ARHGAP42: variants seen among roughly 807,000 people sequenced by gnomAD.
ARHGAP42 encodes the protein Rho GTPase activating protein 42.
In ARHGAP42, 63 loss-of-function variants were observed where a neutral mutation model predicts 125.0. The observed-to-expected ratio is 0.50, with a 90% CI of 0.41 to 0.62. The LOEUF is 0.62. Among genes scored for constraint, ARHGAP42 ranks in the 20% least tolerant of loss-of-function variants. The pLI is 0.00. For missense variants in ARHGAP42, 766 were observed against 1,024.2 expected (o/e 0.75, Z 3.44); for synonymous variants, 339 against 351.0 (o/e 0.97, Z 0.38).
At chr11:100,752,932 G>A (rs140901992) in intron 1 of ARHGAP42, among the ~76,000 whole-genome samples, 139 of 152,310 alleles carry the variant, frequency 9.1e-4, no homozygotes, top group Non-Finnish European at 1.6e-3. Context: ...GGTGATGCTC[G>A]CAAGAGAATG....
rs147889881 is a variant in ARHGAP42 at position 100,888,890 on chromosome 11, T to C, written c.385-24562T>C. ...CTGTTGGGTGTAATGCTTCTTTGTG[T>C]ATTTTCTCATTTGTTTCCTAGTGCA... On this transcript the variant is annotated intron_variant, in intron 4 of 23. Coordinates refer to ENST00000298815, the MANE Select transcript of ARHGAP42 (RefSeq NM_152432.4). Among the ~76,000 whole-genome samples, 612 of 152,336 alleles carry C rather than the reference T, an allele frequency of 4.0e-3. 2 individuals carry two copies. Among genetic ancestry groups the C allele is most frequent in the Admixed American group, 7.0e-3 (107 of 15,304 alleles).
chr11:100,850,348 AT>A (rs1397343442), intron 3 of ARHGAP42, among the ~76,000 whole-genome samples: 1 of 152,206 alleles, frequency 6.6e-6, no homozygotes, highest in African/African-American at 2.4e-5. Flanking sequence ...ACTGTAGGTG[AT>A]TGTAACACAA....
chr11:100,813,293 C>T (rs1864190240), intron 3 of ARHGAP42, among the ~76,000 whole-genome samples: 2 of 152,140 alleles, frequency 1.3e-5, no homozygotes, highest in South Asian at 4.2e-4. Flanking sequence ...CTCTACTTCC[C>T]CTTAAATTGT....
rs148722330 is a variant in ARHGAP42 at position 100,991,990 on chromosome 11, T to C, written c.*3189T>C. 1 of 264,818 alleles carries C rather than the reference T, an allele frequency of 3.8e-6. No individual in the cohort carries two copies. Among genetic ancestry groups the C allele is most frequent in the East Asian group, 7.3e-5 (1 of 13,752 alleles). 16.4% of individuals were successfully genotyped at this position (264,818 alleles called of 1,614,324 possible). A position where few individuals can be genotyped will look rare whatever the true frequency, so the allele number is the denominator to read the frequency against. On this transcript the variant is annotated 3_prime_UTR_variant, in exon 24 of 24. Transcript: ENST00000298815. ...ATAATGTGGCATCCTTCATAAAAAT[T>C]CACTATGTTGTGAGGCAAACAGATT...
intron 4 of ARHGAP42, among the ~76,000 whole-genome samples, chr11:100,912,238 T>C (rs1035119153): frequency 2.6e-5 from 4 of 152,148 alleles, no homozygotes; most frequent in Admixed American, 1.3e-4. Flanking sequence ...AAACTGCAAT[T>C]ACTTCTGCAC....
intron 1 of ARHGAP42, among the ~76,000 whole-genome samples, chr11:100,691,454 C>T (rs991670770): frequency 5.9e-5 from 9 of 151,890 alleles, no homozygotes; most frequent in Admixed American, 4.6e-4. Flanking sequence ...AATACACAGA[C>T]CCCAAAAAAG....
At chr11:100,853,420 T>C (rs970702614) in intron 3 of ARHGAP42, among the ~76,000 whole-genome samples, 6 of 152,166 alleles carry the variant, frequency 3.9e-5, no homozygotes, top group Non-Finnish European at 8.8e-5. Context: ...GTTTAAAAAG[T>C]GTTCTTACTT....
rs758280743 is a variant in ARHGAP42 at position 100,992,564 on chromosome 11, A to C, written c.*3763A>C. 6.2e-7 allele frequency: 1 copy of C among 1,614,112 alleles called. No individual in the cohort carries two copies. The highest frequency in any genetic ancestry group is 1.1e-5 in the South Asian group (1 of 91,072). On this transcript the variant is annotated 3_prime_UTR_variant, in exon 24 of 24. Coordinates refer to ENST00000298815, the MANE Select transcript of ARHGAP42 (RefSeq NM_152432.4). ...TCTCCTGTTGATTCGCAGATGTAATATCGAGTATTCATCAACTGGTCTCAA... is the reference window on the plus strand; with the variant it reads ...TCTCCTGTTGATTCGCAGATGTAATCTCGAGTATTCATCAACTGGTCTCAA...
At chr11:100,892,763 A>G (rs1382723877) in intron 4 of ARHGAP42, among the ~76,000 whole-genome samples, 1 of 152,186 alleles carries the variant, frequency 6.6e-6, no homozygotes, top group African/African-American at 2.4e-5. Context: ...CTGGTTTTCC[A>G]TGTACAGCAT....
intron 4 of ARHGAP42, among the ~76,000 whole-genome samples, chr11:100,899,722 G>GTTTTTTTTTT (rs767815247): frequency 3.0e-5 from 2 of 67,226 alleles, no homozygotes; most frequent in Admixed American, 1.5e-4. Flanking sequence ...TTTGTGTTTT[G>GTTTTTTTTTT]TTTTTTTTTT....
chr11:100,933,284 G>C, intron 7 of ARHGAP42, 24 bp downstream of exon 7: 1 of 1,453,336 alleles, frequency 6.9e-7, no homozygotes, highest in Non-Finnish European at 9.3e-7. Flanking sequence ...TGTTCTTACT[G>C]TCTCTCAGCA....
At chr11:100,876,616 T>C (rs1403691151) in intron 4 of ARHGAP42, among the ~76,000 whole-genome samples, 4 of 152,234 alleles carry the variant, frequency 2.6e-5, no homozygotes, top group Admixed American at 1.3e-4. Context: ...CTTGGGATTG[T>C]GCAGATAAGT....
chr11:100,867,520 T>G (rs1865598631), intron 4 of ARHGAP42, among the ~76,000 whole-genome samples: 1 of 152,244 alleles, frequency 6.6e-6, no homozygotes, highest in South Asian at 2.1e-4. Flanking sequence ...TTTCCTTATT[T>G]CTCTCAGCCT....
At chr11:100,748,237 A>G (rs11822331) in intron 1 of ARHGAP42, among the ~76,000 whole-genome samples, 5,674 of 152,282 alleles carry the variant, frequency 0.037, 110 homozygotes, top group African/African-American at 0.07. Context: ...CTGATTCTAT[A>G]AGTACTTTAA....
At chr11:100,770,304 C>T in intron 1 of ARHGAP42, 39 bp from the exon 2 acceptor site, 3 of 1,377,356 alleles carry the variant, frequency 2.2e-6, no homozygotes, top group Non-Finnish European at 3.0e-6. Context: ...TTCAGTGGAA[C>T]CTCACCTTAT....
intron 1 of ARHGAP42, among the ~76,000 whole-genome samples, chr11:100,721,988 A>G (rs918539632): frequency 7.2e-5 from 11 of 152,296 alleles, no homozygotes; most frequent in South Asian, 4.1e-4. Context: ...GGATCATATT[A>G]TAAGAGTATG....
intron 1 of ARHGAP42, among the ~76,000 whole-genome samples, chr11:100,706,673 G>A (rs1408088308): frequency 6.6e-6 from 1 of 152,180 alleles, no homozygotes; most frequent in Non-Finnish European, 1.5e-5. Flanking sequence ...GCATTTTCAA[G>A]ATGTCATTTC....
At chr11:100,806,902 C>T (rs1179348126) in intron 3 of ARHGAP42, among the ~76,000 whole-genome samples, 2 of 151,742 alleles carry the variant, frequency 1.3e-5, no homozygotes, top group Admixed American at 6.6e-5. Context: ...GGCTGGAGTG[C>T]GTTGGCACCG....
chr11:100,795,873 G>A (rs1253371836), intron 3 of ARHGAP42, among the ~76,000 whole-genome samples: 1 of 152,170 alleles, frequency 6.6e-6, no homozygotes, highest in Non-Finnish European at 1.5e-5. Context: ...TTTTGATGGT[G>A]ATAACGATGC....
Sources: allele counts gnomAD v4.1 joint callset (sites outside exome capture counted in the v4.1 genomes callset), GRCh38; gene constraint gnomAD v4.1.1; transcripts MANE v1.5; gene names NCBI Gene and HGNC (gene_info 2026-07-23, HGNC 2026-07-21).